Variants in P2RY8 observed in about 807,000 individuals in gnomAD.
P2RY8 encodes the protein P2Y receptor family member 8.
In P2RY8, 6 loss-of-function variants were observed where a neutral mutation model predicts 10.0. The observed-to-expected ratio is 0.60, with a 90% CI of 0.33 to 1.19. The LOEUF (loss-of-function observed/expected upper bound fraction) is 1.19. Ranked by LOEUF, P2RY8 falls within the 50% of genes most tolerant of loss-of-function variation. The probability of loss-of-function intolerance (pLI) is 0.04; values close to 1 mark genes in which losing one functional copy is unlikely to be tolerated. For synonymous variants in P2RY8, 276 were observed against 252.5 expected (o/e 1.09, Z -0.88); for missense variants, 456 against 542.0 (o/e 0.84, Z 1.58).
At chrX:1,521,093 G>A (rs1322700587) in intron 1 of P2RY8, among the ~76,000 whole-genome samples, 43 of 143,554 alleles carry the variant, frequency 3.0e-4, no homozygotes, top group African/African-American at 9.7e-4. Context: ...GGACTGCAGC[G>A]GTGCGATCTG....
chrX:1,511,673 C>T (rs1330169404), intron 1 of P2RY8, among the ~76,000 whole-genome samples: 1 of 152,132 alleles, frequency 6.6e-6, no homozygotes, highest in Admixed American at 6.5e-5. Context: ...ACAGGAGCCA[C>T]CTTGCCCAAC....
At chrX:1,490,769 A>T (rs1386247905) in intron 1 of P2RY8, among the ~76,000 whole-genome samples, 2 of 149,538 alleles carry the variant, frequency 1.3e-5, no homozygotes. Context: ...CCCCAGATTC[A>T]CTTCTGCAAA....
intron 1 of P2RY8, among the ~76,000 whole-genome samples, chrX:1,525,917 C>T (rs1483906367): frequency 6.6e-6 from 1 of 152,054 alleles, no homozygotes; most frequent in African/African-American, 2.4e-5. Flanking sequence ...TCCATTCATC[C>T]ATCCATCCAT....
At chrX:1,508,979 C>T (rs1201531253) in intron 1 of P2RY8, among the ~76,000 whole-genome samples, 1 of 150,634 alleles carries the variant, frequency 6.6e-6, no homozygotes, top group East Asian at 2.0e-4. Context: ...ATCTATTCAT[C>T]CATCTGTCTA....
At chrX:1,488,182 C>T (rs2092005227) in intron 1 of P2RY8, among the ~76,000 whole-genome samples, 1 of 152,116 alleles carries the variant, frequency 6.6e-6, no homozygotes, top group African/African-American at 2.4e-5. Flanking sequence ...GCTGAGCCCC[C>T]AGGAGCCCCT....
At chrX:1,512,372 C>A (rs1385270823) in intron 1 of P2RY8, among the ~76,000 whole-genome samples, 3 of 151,942 alleles carry the variant, frequency 2.0e-5, no homozygotes, top group East Asian at 3.9e-4. Context: ...CATGGTGAAA[C>A]CCCATCTCTA....
intron 1 of P2RY8, among the ~76,000 whole-genome samples, chrX:1,471,038 G>A (rs1375458517): frequency 4.1e-5 from 6 of 147,122 alleles, no homozygotes; most frequent in Non-Finnish European, 7.5e-5. Context: ...AGGGAGTTTC[G>A]CTCTTTTTGC....
chrX:1,489,554 C>T (rs2092022064), intron 1 of P2RY8, among the ~76,000 whole-genome samples: 1 of 152,088 alleles, frequency 6.6e-6, no homozygotes, highest in Non-Finnish European at 1.5e-5. Context: ...TTCACTTCTG[C>T]AAATGTAGAG....
chrX:1,509,220 CATCT>C (rs1343747263), intron 1 of P2RY8, among the ~76,000 whole-genome samples: 4 of 137,482 alleles, frequency 2.9e-5, no homozygotes, highest in African/African-American at 1.1e-4. Context: ...TCTAGCCATC[CATCT>C]ATTTATCTCT....
At position 1,465,247 on chromosome X, in the gene P2RY8, G is replaced by T; in HGVS notation, c.*232C>A. Reference sequence around the variant, plus strand: ...CTGCAGGATAACAAGCACCCTGTGCGCTGCTGGGCTTTGCTTGTTTCTCTA... The same window carrying T: ...CTGCAGGATAACAAGCACCCTGTGCTCTGCTGGGCTTTGCTTGTTTCTCTA... On this transcript the variant is annotated 3_prime_UTR_variant, in exon 2 of 2. Coordinates refer to ENST00000381297, the MANE Select transcript of P2RY8 (RefSeq NM_178129.5). 3.1e-6 allele frequency: 2 copies of T among 639,052 alleles called. No homozygotes were observed. Among genetic ancestry groups the T allele is most frequent in the Non-Finnish European group, 5.2e-6 (2 of 386,226 alleles). The allele number at this position is 639,052 out of a possible 1,614,324, so 39.6% of individuals were successfully genotyped here.
In P2RY8 at chrX:1,464,797, T is replaced by C. The variant is rs369874565; in HGVS notation, c.*682A>G. The C allele has an allele frequency of 1.3e-5, 3 of 232,450 alleles. No homozygotes were observed. In the East Asian group the frequency reaches 1.8e-4, roughly 14 times the overall value. 14.4% of individuals were successfully genotyped at this position (232,450 alleles called of 1,614,324 possible). A position where few individuals can be genotyped will look rare whatever the true frequency, so the allele number is the denominator to read the frequency against. On this transcript the variant is annotated 3_prime_UTR_variant, in exon 2 of 2. Coordinates refer to ENST00000381297, the MANE Select transcript of P2RY8 (RefSeq NM_178129.5). ...TCAGCAACAGGGTGGGGTGTGTGTG[T>C]GGGGGGAAGTGGGCACGGAGAGTAG...
In P2RY8 at chrX:1,505,335, C is replaced by T. The variant is rs2092222318; in HGVS notation, c.-25+31586G>A. Among the ~76,000 whole-genome samples, 3 of 152,092 alleles carry T rather than the reference C, an allele frequency of 2.0e-5. No homozygotes were observed. The South Asian group carries it at 6.2e-4, about 31-fold the overall frequency. On this transcript the variant is annotated intron_variant, in intron 1 of 1. Coordinates refer to ENST00000381297, the MANE Select transcript of P2RY8 (RefSeq NM_178129.5). Reference sequence around the variant, plus strand: ...AGGAAGCAACAGAGGGCCTCGTCACCGGCCTTTCCGTTGGCCTTGGCGTCT... The same window carrying T: ...AGGAAGCAACAGAGGGCCTCGTCACTGGCCTTTCCGTTGGCCTTGGCGTCT...
chrX:1,505,562 G>T (rs1425987309), intron 1 of P2RY8, among the ~76,000 whole-genome samples: 1 of 152,188 alleles, frequency 6.6e-6, no homozygotes, highest in African/African-American at 2.4e-5. Context: ...GGCCGAGGCG[G>T]GTCGATCACC....
intron 1 of P2RY8, among the ~76,000 whole-genome samples, chrX:1,499,840 T>TTTTTGTTTTG (rs545823448): frequency 6.6e-6 from 1 of 151,510 alleles, no homozygotes; most frequent in Non-Finnish European, 1.5e-5. Context: ...TGAATCTGTT[T>TTTTTGTTTTG]TTTTGTTTTG....
intron 1 of P2RY8, among the ~76,000 whole-genome samples, chrX:1,528,724 C>T (rs187553706): frequency 9.9e-5 from 15 of 151,786 alleles, no homozygotes; most frequent in South Asian, 8.3e-4. Flanking sequence ...ATTTGAGTCT[C>T]TTTGAATTCG....
At chrX:1,505,634 A>G (rs2092225213) in intron 1 of P2RY8, among the ~76,000 whole-genome samples, 1 of 152,072 alleles carries the variant, frequency 6.6e-6, no homozygotes, top group Non-Finnish European at 1.5e-5. Flanking sequence ...TACTCAAAAT[A>G]TAAAACTTAG....
In P2RY8 at chrX:1,474,494, G is replaced by A; in HGVS notation, c.-24-7912C>T. On this transcript the variant is annotated intron_variant, in intron 1 of 1. Transcript: ENST00000381297. ...GGATGTATGATGAATGGATGAGGAT[G>A]GGTAGATGGATGGGTAGATGGATAG... Among the ~76,000 whole-genome samples the A allele has an allele frequency of 1.7e-5, 2 of 115,544 alleles. 1 individual carries two copies. The highest frequency in any genetic ancestry group is 4.0e-5 in the Non-Finnish European group (2 of 50,060). The allele number at this position is 115,544 out of a possible 152,430, so 75.8% of individuals were successfully genotyped here. A position where few individuals can be genotyped will look rare whatever the true frequency, so the allele number is the denominator to read the frequency against.
At chrX:1,509,099 G>GTATCTATGTATGTATC (rs2092266810) in intron 1 of P2RY8, among the ~76,000 whole-genome samples, 3 of 138,308 alleles carry the variant, frequency 2.2e-5, no homozygotes, top group Admixed American at 7.2e-5. Flanking sequence ...ATGTATCTAT[G>GTATCTATGTATGTATC]TATCTATCTA....
intron 1 of P2RY8, among the ~76,000 whole-genome samples, chrX:1,490,948 C>T (rs754113977): frequency 6.7e-6 from 1 of 149,590 alleles, no homozygotes; most frequent in South Asian, 2.1e-4. Context: ...ACCCCAGATT[C>T]ACTTCTGCAA....
Sources: allele counts gnomAD v4.1 joint callset (sites outside exome capture counted in the v4.1 genomes callset), GRCh38; gene constraint gnomAD v4.1.1; transcripts MANE v1.5; gene names NCBI Gene and HGNC (gene_info 2026-07-23, HGNC 2026-07-21).